GALNT16: variants seen among roughly 807,000 people sequenced by gnomAD.
The protein encoded by GALNT16 is polypeptide N-acetylgalactosaminyltransferase 16.
Under a neutral mutation model 76.1 loss-of-function variants are expected in GALNT16, and 40 were observed. That is an observed-to-expected ratio of 0.53 (90% CI 0.41 to 0.68). GALNT16 has a LOEUF of 0.68. Ranked by LOEUF, GALNT16 falls within the 30% of genes least tolerant of loss-of-function variation. The pLI is 0.00. For synonymous variants in GALNT16, 276 were observed against 285.2 expected (o/e 0.97, Z 0.32); for missense variants, 621 against 731.9 (o/e 0.85, Z 1.75).
In GALNT16 at chr14:69,333,688, C is replaced by G; in HGVS notation, c.967+88C>G. 1.3e-6 allele frequency: 1 copy of G among 745,970 alleles called. No individual in the cohort carries two copies. The highest frequency in any genetic ancestry group is 1.5e-5 in the South Asian group (1 of 66,568). The allele number at this position is 745,970 out of a possible 1,614,324, so 46.2% of individuals were successfully genotyped here. A position where few individuals can be genotyped will look rare whatever the true frequency, so the allele number is the denominator to read the frequency against. Reference sequence around the variant, plus strand: ...CAGAGCACTTTCTATGCGTGAGGACCTGCTCTAAGGACTTTACACACATGA... The same window carrying G: ...CAGAGCACTTTCTATGCGTGAGGACGTGCTCTAAGGACTTTACACACATGA... On this transcript the variant is annotated intron_variant, in intron 9 of 14. Coordinates refer to ENST00000448469, the MANE Select transcript of GALNT16 (RefSeq NM_001168368.2). This position sits in a 1 kb window ranked among gnomAD's most constrained non-coding sequence, Gnocchi z 4.2.
intron 1 of GALNT16, among the ~76,000 whole-genome samples, chr14:69,268,969 G>A: frequency 6.6e-6 from 1 of 152,242 alleles, no homozygotes; most frequent in East Asian, 1.9e-4. Context: ...AGGCCTTGCA[G>A]GCTGTGGTAA....
At chr14:69,370,809 T>G in the GALNT16 span, among the ~76,000 whole-genome samples, 1 of 152,256 alleles carries the variant, frequency 6.6e-6, no homozygotes, top group Admixed American at 6.5e-5. Context: ...AATCTTATAC[T>G]GATGGGCAAA....
chr14:69,380,631 A>G, the GALNT16 span: 2 of 1,605,712 alleles, frequency 1.2e-6, no homozygotes, highest in African/African-American at 2.7e-5. Context: ...TCTGGGTATC[A>G]GCTCGGTAAC....
rs1309411964 is a variant in GALNT16, at chr14:69,333,805, A to G, written c.967+205A>G. The G allele has an allele frequency of 1.9e-6, 1 of 538,556 alleles. No homozygotes were observed. Among genetic ancestry groups the G allele is most frequent in the East Asian group, 3.4e-5 (1 of 29,424 alleles). 33.4% of individuals were successfully genotyped at this position (538,556 alleles called of 1,614,324 possible). On this transcript the variant is annotated intron_variant, in intron 9 of 14. Transcript: ENST00000448469. The surrounding 1 kb of genome is among the most constrained non-coding windows in gnomAD (Gnocchi z 4.2). The stretch of plus-strand genomic sequence containing the variant: ...ACCCAAGGCACAGAGAAGTTAAGCA[A>G]TTTGTCCAGAGCCACACAGCTAGTA...
chr14:69,358,448 G>C (rs1031281531), downstream of GALNT16: 5 of 152,488 alleles, frequency 3.3e-5, no homozygotes, highest in Non-Finnish European at 5.9e-5. Flanking sequence ...GGCCTCCCTG[G>C]GGGTGGGAGT....
chr14:69,294,209 C>A (rs1008932558), intron 1 of GALNT16, among the ~76,000 whole-genome samples: 7 of 152,086 alleles, frequency 4.6e-5, no homozygotes, highest in Admixed American at 3.3e-4. Context: ...GCAACCTCCA[C>A]CCCCTGGGTT....
chr14:69,369,709 A>G, the GALNT16 span, among the ~76,000 whole-genome samples: 2 of 152,208 alleles, frequency 1.3e-5, no homozygotes, highest in Non-Finnish European at 2.9e-5. Flanking sequence ...CAATGAACAC[A>G]ACCACCTCAG....
chr14:69,283,742 G>A (rs1348783850), intron 1 of GALNT16, among the ~76,000 whole-genome samples: 1 of 152,168 alleles, frequency 6.6e-6, no homozygotes, highest in East Asian at 1.9e-4. Flanking sequence ...ACTCTAAGTG[G>A]TGCTGTTAGA....
chr14:69,378,775 G>T, the GALNT16 span, among the ~76,000 whole-genome samples: 1 of 152,076 alleles, frequency 6.6e-6, no homozygotes, highest in Non-Finnish European at 1.5e-5. Context: ...ATTCCCTTCA[G>T]ATCTGCTCTA....
chr14:69,328,378 G>T, intron 5 of GALNT16, 72 bp from the exon 6 acceptor site: 1 of 1,526,492 alleles, frequency 6.6e-7, no homozygotes, highest in Non-Finnish European at 8.9e-7. Context: ...GGAGAGCCTT[G>T]GGACTTTGGG....
chr14:69,350,694 C>T (rs980330606), intron 14 of GALNT16: 3 of 152,338 alleles, frequency 2.0e-5, no homozygotes, highest in African/African-American at 7.2e-5. Flanking sequence ...GCTCATCTCT[C>T]TCCCCTCAGC....
chr14:69,325,366 T>C lies in GALNT16; in HGVS notation c.464T>C (p.Ile155Thr). Residue 155 changes from isoleucine to threonine, a missense_variant, in exon 4 of 15, where the codon ATC (isoleucine) becomes ACC (threonine). Ile to Thr is a moderately conservative substitution (Grantham distance 89, BLOSUM62 -1). Transcript: ENST00000448469. ...CTGAACCGAACTCCTGCCAACTTGATCCAGGAGATCATTTTAGTGGATGAC... is the reference window on the plus strand; with the variant it reads ...CTGAACCGAACTCCTGCCAACTTGACCCAGGAGATCATTTTAGTGGATGAC... Reference protein sequence around the residue: ...SVLNRTPANLIQEIILVDDFS... With the variant: ...SVLNRTPANLTQEIILVDDFS... 2 of 1,604,402 alleles carry C rather than the reference T, an allele frequency of 1.2e-6. No homozygotes were observed. The highest frequency in any genetic ancestry group is 1.7e-6 in the Non-Finnish European group (2 of 1,171,182).
intron 9 of GALNT16, among the ~76,000 whole-genome samples, chr14:69,336,895 CT>C (rs1271083834): frequency 6.6e-6 from 1 of 151,274 alleles, no homozygotes; most frequent in African/African-American, 2.4e-5. Flanking sequence ...CGGATAATTT[CT>C]TTTGCATTTT....
chr14:69,341,695 T>G lies in GALNT16; in HGVS notation c.1202T>G (p.Ile401Arg). 2 of 1,612,254 alleles carry G rather than the reference T, an allele frequency of 1.2e-6. No individual in the cohort carries two copies. The highest frequency in any genetic ancestry group is 1.7e-6 in the Non-Finnish European group (2 of 1,178,866). ...TCCTCCTACAGTGTGGCTACGCGGA[T>G]AGAGCAGAGGAAGAAGATGAACTGC... ...GKAFGSVATR[I>R]EQRKKMNCKS... Residue 401 changes from isoleucine to arginine, a missense_variant, in exon 12 of 15, where the codon ATA becomes AGA. By Grantham distance (97) the Ile-to-Arg change is moderately conservative. Transcript: ENST00000448469.
rs149919769 is a variant in GALNT16, at chr14:69,279,054, C to T, written c.177+18587C>T. Among the ~76,000 whole-genome samples the T allele has an allele frequency of 4.8e-3, 735 of 152,112 alleles. 7 individuals carry two copies. Among genetic ancestry groups the T allele is most frequent in the South Asian group, 0.027 (128 of 4,822 alleles). On this transcript the variant is annotated intron_variant, in intron 1 of 14. Transcript: ENST00000448469. Reference sequence around the variant, plus strand: ...TCAAGCGATTCTCCGGCCTCAGCCTCCCAAGTAGCTGGGATTACAGGCGCT... The same window carrying T: ...TCAAGCGATTCTCCGGCCTCAGCCTTCCAAGTAGCTGGGATTACAGGCGCT...
downstream of GALNT16, among the ~76,000 whole-genome samples, chr14:69,361,100 C>T (rs1381655243): frequency 6.6e-6 from 1 of 152,236 alleles, no homozygotes; most frequent in Non-Finnish European, 1.5e-5. Context: ...ATATGGTTGA[C>T]TTCATTCTAG....
the GALNT16 span, among the ~76,000 whole-genome samples, chr14:69,374,969 C>T: frequency 6.6e-6 from 1 of 152,196 alleles, no homozygotes; most frequent in African/African-American, 2.4e-5. Context: ...ATTCATAAGG[C>T]TCATACCCTC....
chr14:69,281,669 A>G (rs1417220451), intron 1 of GALNT16, among the ~76,000 whole-genome samples: 2 of 152,116 alleles, frequency 1.3e-5, no homozygotes, highest in Non-Finnish European at 2.9e-5. Context: ...CCTGGGCTTC[A>G]TGTGCTCACG....
chr14:69,341,251 A>G (rs1238538543), intron 11 of GALNT16, among the ~76,000 whole-genome samples: 2 of 152,200 alleles, frequency 1.3e-5, no homozygotes, highest in Non-Finnish European at 2.9e-5. Context: ...TGTCCCAAGG[A>G]CACATCTAAT....
Sources: allele counts gnomAD v4.1 joint callset (sites outside exome capture counted in the v4.1 genomes callset), GRCh38; gene constraint gnomAD v4.1.1; non-coding constraint Gnocchi (gnomAD v3.1); transcripts MANE v1.5; gene names NCBI Gene and HGNC (gene_info 2026-07-23, HGNC 2026-07-21).